Variants in XYLT1 observed in about 807,000 individuals in gnomAD.
XYLT1 encodes the protein beta-D-xylosyltransferase 1.
A neutral mutation model predicts 91.3 loss-of-function variants in XYLT1; 36 were observed. That is an observed-to-expected ratio of 0.39 (90% CI 0.30 to 0.52). XYLT1 has a LOEUF of 0.52. Ranked by LOEUF, XYLT1 falls within the 20% of genes least tolerant of loss-of-function variation. The pLI is 0.68. For synonymous variants in XYLT1, 588 were observed against 532.0 expected (o/e 1.11, Z -1.45); for missense variants, 1,242 against 1,284.5 (o/e 0.97, Z 0.51).
chr16:17,322,336 A>G (rs2034736680), intron 2 of XYLT1, among the ~76,000 whole-genome samples: 1 of 152,206 alleles, frequency 6.6e-6, no homozygotes, highest in Non-Finnish European at 1.5e-5. Context: ...TGAAGACCCG[A>G]CAAGTAGAAA....
At chr16:17,308,632 T>C (rs1307248003) in intron 2 of XYLT1, among the ~76,000 whole-genome samples, 1 of 152,162 alleles carries the variant, frequency 6.6e-6, no homozygotes, top group Non-Finnish European at 1.5e-5. Context: ...ACCACCACAA[T>C]CCCTAGCTTC....
At chr16:17,224,116 G>A (rs1264516085) in intron 3 of XYLT1, among the ~76,000 whole-genome samples, 1 of 152,190 alleles carries the variant, frequency 6.6e-6, no homozygotes. Flanking sequence ...AAAATGGAAA[G>A]GAAATACTGA....
chr16:17,179,043 A>G (rs2032006552), intron 5 of XYLT1, among the ~76,000 whole-genome samples: 1 of 151,842 alleles, frequency 6.6e-6, no homozygotes, highest in Admixed American at 6.6e-5. Flanking sequence ...CACTCCAGCC[A>G]GGGTGACAGA....
chr16:17,218,373 T>TTA (rs2032901004), intron 3 of XYLT1, among the ~76,000 whole-genome samples: 1 of 151,592 alleles, frequency 6.6e-6, no homozygotes. Context: ...TTTTTTTTTT[T>TTA]ACTTTCCTTT....
At chr16:17,407,294 C>A (rs2036046146) in intron 1 of XYLT1, among the ~76,000 whole-genome samples, 1 of 152,134 alleles carries the variant, frequency 6.6e-6, no homozygotes, top group Non-Finnish European at 1.5e-5. Context: ...CCACTGCGTC[C>A]AGCCTATTTA....
At chr16:17,241,084 C>G (rs994126276) in intron 3 of XYLT1, among the ~76,000 whole-genome samples, 1 of 152,210 alleles carries the variant, frequency 6.6e-6, no homozygotes, top group South Asian at 2.1e-4. Context: ...GGATTCCAGA[C>G]GCATAAGTAA....
At chr16:17,405,954 G>A (rs1434586343) in intron 1 of XYLT1, among the ~76,000 whole-genome samples, 1 of 152,216 alleles carries the variant, frequency 6.6e-6, no homozygotes, top group African/African-American at 2.4e-5. Context: ...GGAGGCTGAG[G>A]TGGGTGGATC....
rs1271488192 is a variant in XYLT1, at chr16:17,104,396, C to T, written c.*4299G>A. 1 of 152,196 alleles carries T rather than the reference C, an allele frequency of 6.6e-6. No homozygotes were observed. Among genetic ancestry groups the T allele is most frequent in the African/African-American group, 2.4e-5 (1 of 41,416 alleles). The allele number at this position is 152,196 out of a possible 1,614,324, so 9.4% of individuals were successfully genotyped here. On this transcript the variant is annotated 3_prime_UTR_variant, in exon 12 of 12. Transcript: ENST00000261381. ...TCTTCCCTTCAGCACAATCTTGGGA[C>T]CAGGAGAGCTGAATGATCCATCCCC...
At chr16:17,325,480 C>G (rs571401402) in intron 2 of XYLT1, among the ~76,000 whole-genome samples, 2 of 152,140 alleles carry the variant, frequency 1.3e-5, no homozygotes, top group Admixed American at 6.5e-5. Flanking sequence ...CCTTTTCTGA[C>G]CAATGAAAAC....
intron 2 of XYLT1, among the ~76,000 whole-genome samples, chr16:17,330,635 A>AT (rs909654647): frequency 2.6e-5 from 4 of 151,982 alleles, no homozygotes; most frequent in African/African-American, 9.7e-5. Flanking sequence ...AAAAATAAAA[A>AT]AAAAAAAAAT....
chr16:17,284,947 T>C (rs1170213709), intron 2 of XYLT1, among the ~76,000 whole-genome samples: 3 of 152,076 alleles, frequency 2.0e-5, no homozygotes. Flanking sequence ...GAGAAGTCCG[T>C]ATCTCATTCT....
At chr16:17,374,241 T>C (rs533141430) in intron 1 of XYLT1, among the ~76,000 whole-genome samples, 4 of 152,244 alleles carry the variant, frequency 2.6e-5, no homozygotes, top group Admixed American at 2.0e-4. Context: ...AGAATCAACA[T>C]TGAGAAGGTG....
intron 1 of XYLT1, among the ~76,000 whole-genome samples, chr16:17,425,867 C>T (rs2036311889): frequency 6.6e-6 from 1 of 152,160 alleles, no homozygotes; most frequent in East Asian, 1.9e-4. Flanking sequence ...CTCCAAGAAG[C>T]CACCTGTAAC....
intron 2 of XYLT1, chr16:17,338,358 C>A (rs2035017044): frequency 2.2e-6 from 1 of 456,408 alleles, no homozygotes; most frequent in African/African-American, 2.0e-5. Flanking sequence ...TGGGCCTGTG[C>A]CTGCCTTATC....
At chr16:17,185,799 G>C (rs1027562077) in intron 5 of XYLT1, among the ~76,000 whole-genome samples, 14 of 152,108 alleles carry the variant, frequency 9.2e-5, no homozygotes, top group African/African-American at 3.4e-4. Flanking sequence ...TCATGAGTTT[G>C]AGGTCAGCTT....
chr16:17,409,029 C>T (rs577414194), intron 1 of XYLT1, among the ~76,000 whole-genome samples: 3 of 152,150 alleles, frequency 2.0e-5, no homozygotes, highest in Admixed American at 6.5e-5. Context: ...CATAATGACA[C>T]GTGTCAAAAC....
chr16:17,387,601 A>G (rs2035762343), intron 1 of XYLT1, among the ~76,000 whole-genome samples: 2 of 152,182 alleles, frequency 1.3e-5, no homozygotes. Flanking sequence ...ACCACTGCCC[A>G]GAGAAGAAGG....
intron 2 of XYLT1, among the ~76,000 whole-genome samples, chr16:17,290,653 G>T (rs549016994): frequency 6.6e-6 from 1 of 152,322 alleles, no homozygotes; most frequent in South Asian, 2.1e-4. Context: ...CTCTGTGTTA[G>T]ATGTGGAATA....
chr16:17,354,186 G>C (rs538902830), intron 2 of XYLT1, among the ~76,000 whole-genome samples: 1 of 152,080 alleles, frequency 6.6e-6, no homozygotes, highest in Admixed American at 6.5e-5. Context: ...CTGCAAGTCA[G>C]GGCTTCCTTG....
Sources: allele counts gnomAD v4.1 joint callset (sites outside exome capture counted in the v4.1 genomes callset), GRCh38; gene constraint gnomAD v4.1.1; transcripts MANE v1.5; gene names NCBI Gene and HGNC (gene_info 2026-07-23, HGNC 2026-07-21).